Variants in TRPC4 observed in about 807,000 individuals in gnomAD.
TRPC4 encodes short transient receptor potential channel 4.
TRPC4 carries 49 observed loss-of-function variants against 99.4 expected under a neutral mutation model. That is an observed-to-expected ratio of 0.49 (90% CI 0.39 to 0.63). TRPC4 has a LOEUF of 0.63. TRPC4 is among the 20% of genes least tolerant of loss of function. TRPC4 has a pLI of 0.00. For missense variants in TRPC4, 898 were observed against 1,152.9 expected, an observed-to-expected ratio of 0.78 and a Z score of 3.20; for synonymous variants, 454 against 425.9, an observed-to-expected ratio of 1.07 and a Z score of -0.81.
intron 3 of TRPC4, among the ~76,000 whole-genome samples, chr13:37,738,707 T>C (rs1239786949): frequency 2.0e-5 from 3 of 152,226 alleles, no homozygotes; most frequent in Middle Eastern, 6.8e-3. Flanking sequence ...ATGCCTGATA[T>C]AAAGGCCTAG....
chr13:37,763,492 T>C lies in TRPC4; in HGVS notation c.379-17037A>G, dbSNP rs1311592665. 2.0e-5 allele frequency among the ~76,000 whole-genome samples: 3 copies of C among 151,286 alleles called. No individual in the cohort carries two copies. The Admixed American group carries it at 2.0e-4, about 10-fold the overall frequency. On this transcript the variant is annotated intron_variant, in intron 2 of 10. Coordinates refer to ENST00000379705, the MANE Select transcript of TRPC4 (RefSeq NM_016179.4). ...AAAATGAATGAATCCCCTAGGCAAG[T>C]GGAAGGGTACCCAGGAAATGTAGTA...
chr13:37,744,327 C>T (rs1170342487), intron 3 of TRPC4, among the ~76,000 whole-genome samples: 11 of 152,096 alleles, frequency 7.2e-5, no homozygotes, highest in Admixed American at 1.3e-4. Flanking sequence ...TGTATCTTAT[C>T]ATTGTGTAGT....
chr13:37,858,745 T>C (rs1416361355), intron 1 of TRPC4, among the ~76,000 whole-genome samples: 2 of 151,342 alleles, frequency 1.3e-5, no homozygotes, highest in African/African-American at 4.8e-5. Flanking sequence ...ATTGAACACA[T>C]GGAGATAAAG....
rs142503552 is a variant in TRPC4, at chr13:37,845,696, G to T, written c.-28+23899C>A. ...AACACCATAAAGCAAACTAACTTTT[G>T]CATAGTAGGAATTCATGAAGAAAAA... is the stretch of plus-strand genomic sequence containing the variant. On this transcript the variant is annotated intron_variant, in intron 1 of 10. Transcript: ENST00000379705. Among the ~76,000 whole-genome samples the T allele has an allele frequency of 4.9e-4, 74 of 151,992 alleles. 1 individual carries two copies. The East Asian group carries it at 0.013, about 27-fold the overall frequency.
intron 3 of TRPC4, among the ~76,000 whole-genome samples, chr13:37,719,044 T>C (rs1452995461): frequency 6.6e-6 from 1 of 152,106 alleles, no homozygotes; most frequent in Non-Finnish European, 1.5e-5. Context: ...AAAAATGGCA[T>C]ATTATATGCA....
rs1030252491 is a variant in TRPC4 at position 37,634,630 on chromosome 13, G to A, written c.*2273C>T. On this transcript the variant is annotated 3_prime_UTR_variant, in exon 11 of 11. Transcript: ENST00000379705. The stretch of plus-strand genomic sequence containing the variant: ...TTGCTTGACGGAACAGAGAGAATTT[G>A]AAATTAAATTCTGGTAAAGTATGTA... Among the ~76,000 whole-genome samples, 5 of 152,020 alleles carry A rather than the reference G, an allele frequency of 3.3e-5. No homozygotes were observed. In the East Asian group the frequency reaches 9.6e-4, roughly 29 times the overall value.
chr13:37,848,568 C>G (rs891233613), intron 1 of TRPC4, among the ~76,000 whole-genome samples: 17 of 152,100 alleles, frequency 1.1e-4, no homozygotes, highest in African/African-American at 4.1e-4. Context: ...CTTGAAGTTT[C>G]CACTGAGAAG....
At chr13:37,725,750 G>C (rs1248648856) in intron 3 of TRPC4, among the ~76,000 whole-genome samples, 2 of 152,116 alleles carry the variant, frequency 1.3e-5, no homozygotes, top group Non-Finnish European at 2.9e-5. Context: ...TCCTATATCT[G>C]GCAAAACTGT....
chr13:37,705,454 A>G (rs1954241268), intron 3 of TRPC4, among the ~76,000 whole-genome samples: 1 of 143,528 alleles, frequency 7.0e-6, no homozygotes, highest in Admixed American at 6.9e-5. Flanking sequence ...TATCACCACA[A>G]AAAAAGATAA....
intron 8 of TRPC4, among the ~76,000 whole-genome samples, chr13:37,650,071 T>A (rs189182432): frequency 6.6e-6 from 1 of 152,276 alleles, no homozygotes; most frequent in East Asian, 1.9e-4. Flanking sequence ...GTTACTGAGA[T>A]GAGAGGAAAA....
Position 37,861,959 on chromosome 13 carries a change from G to GT in TRPC4, c.-28+7635dup, listed in dbSNP as rs535708207. On this transcript the variant is annotated intron_variant, in intron 1 of 10. Transcript: ENST00000379705. ...CCTAGGAATGCAGGTTCCAATAATG[G>GT]TTTTTTTTAAAAAGGAGGAATGTAT... 6.9e-3 allele frequency among the ~76,000 whole-genome samples: 1,036 copies of GT among 151,186 alleles called. 7 individuals are homozygous for GT. The highest frequency in any genetic ancestry group is 0.011 in the Non-Finnish European group (767 of 67,386).
At chr13:37,690,381 C>T (rs1325648768) in intron 4 of TRPC4, among the ~76,000 whole-genome samples, 1 of 152,156 alleles carries the variant, frequency 6.6e-6, no homozygotes, top group African/African-American at 2.4e-5. Flanking sequence ...GTGGTGTAAT[C>T]TTGGTTCACC....
At chr13:37,846,871 G>T (rs1430346612) in intron 1 of TRPC4, among the ~76,000 whole-genome samples, 4 of 151,962 alleles carry the variant, frequency 2.6e-5, no homozygotes, top group Non-Finnish European at 5.9e-5. Context: ...TTGGAAAAAA[G>T]TATTTCCCAC....
At chr13:37,833,973 T>C (rs1483334071) in intron 1 of TRPC4, among the ~76,000 whole-genome samples, 2 of 152,222 alleles carry the variant, frequency 1.3e-5, no homozygotes, top group African/African-American at 4.8e-5. Flanking sequence ...GCATTTTCTA[T>C]AACTGAGCTA....
rs191460137 is a variant in TRPC4 at position 37,706,611 on chromosome 13, A to C, written c.898-14276T>G. ...TCATTTAGCATCAGGTATATCTCCT[A>C]ATGCTACCCCTCCCCCCTACCCCCA... On this transcript the variant is annotated intron_variant, in intron 3 of 10. Coordinates refer to ENST00000379705, the MANE Select transcript of TRPC4 (RefSeq NM_016179.4). 7.6e-3 allele frequency among the ~76,000 whole-genome samples: 1,150 copies of C among 151,844 alleles called. 14 individuals carry two copies. The highest frequency in any genetic ancestry group is 0.027 in the African/African-American group (1,118 of 41,334).
At chr13:37,725,598 C>G (rs1955025841) in intron 3 of TRPC4, among the ~76,000 whole-genome samples, 1 of 151,936 alleles carries the variant, frequency 6.6e-6, no homozygotes, top group South Asian at 2.1e-4. Context: ...TAATGTACTA[C>G]AAAATTAAAA....
chr13:37,755,369 C>T (rs572433322), intron 2 of TRPC4, among the ~76,000 whole-genome samples: 93 of 152,010 alleles, frequency 6.1e-4, no homozygotes, highest in Non-Finnish European at 1.1e-3. Flanking sequence ...CAATCCTCTC[C>T]CTCAGCCTCC....
At chr13:37,697,889 A>G (rs1490082798) in intron 3 of TRPC4, among the ~76,000 whole-genome samples, 2 of 152,156 alleles carry the variant, frequency 1.3e-5, no homozygotes, top group Non-Finnish European at 2.9e-5. Flanking sequence ...CAGTGTAAAT[A>G]TATATTCCAA....
chr13:37,704,631 G>C (rs1375352375), intron 3 of TRPC4, among the ~76,000 whole-genome samples: 1 of 152,042 alleles, frequency 6.6e-6, no homozygotes, highest in African/African-American at 2.4e-5. Flanking sequence ...GCAAGACTCT[G>C]TCTCTAAGTA....
Sources: allele counts gnomAD v4.1 joint callset (sites outside exome capture counted in the v4.1 genomes callset), GRCh38; gene constraint gnomAD v4.1.1; transcripts MANE v1.5; gene names NCBI Gene and HGNC (gene_info 2026-07-23, HGNC 2026-07-21).